Variants in RAPGEF4 observed in about 807,000 individuals in gnomAD.
The protein encoded by RAPGEF4 is RAP guanine-nucleotide-exchange factor (GEF) 4.
A neutral mutation model predicts 147.9 loss-of-function variants in RAPGEF4; 66 were observed. The ratio of observed to expected loss-of-function variants is 0.45; its 90% confidence interval spans 0.37 to 0.55. The LOEUF is 0.55. RAPGEF4 is among the 20% of genes least tolerant of loss of function. The pLI, the probability that RAPGEF4 is intolerant of heterozygous loss-of-function variation, is 0.00. For synonymous variants in RAPGEF4, 419 were observed against 442.7 expected (o/e 0.95, Z 0.67); for missense variants, 1,071 against 1,257.3 (o/e 0.85, Z 2.24).
rs925594464 is a variant in RAPGEF4, at chr2:172,777,358, G to A, written c.66-17667G>A. On this transcript the variant is annotated intron_variant, in intron 1 of 30. Coordinates refer to ENST00000397081, the MANE Select transcript of RAPGEF4 (RefSeq NM_007023.4). ...TGTTCTCGGTACTGGAGATACAATAGTTATTTAAAAAAAAAACCCTGCTTT... is the reference window on the plus strand; with the variant it reads ...TGTTCTCGGTACTGGAGATACAATAATTATTTAAAAAAAAAACCCTGCTTT... Among the ~76,000 whole-genome samples the A allele has an allele frequency of 1.3e-5, 2 of 151,422 alleles. 1 individual carries two copies. Among genetic ancestry groups the A allele is most frequent in the South Asian group, 4.2e-4 (2 of 4,756 alleles).
At chr2:172,817,796 A>G (rs1017433088) in intron 4 of RAPGEF4, among the ~76,000 whole-genome samples, 51 of 151,686 alleles carry the variant, frequency 3.4e-4, no homozygotes, top group Admixed American at 2.9e-3. Context: ...ATGCATGTTT[A>G]TAGCAGCACA....
At position 172,848,915 on chromosome 2, in the gene RAPGEF4, GA is replaced by G. The variant is rs574661072; in HGVS notation, c.444+34498del. Among the ~76,000 whole-genome samples, 6 of 151,248 alleles carry G rather than the reference GA, an allele frequency of 4.0e-5. 1 individual carries two copies. Among genetic ancestry groups the G allele is most frequent in the Non-Finnish European group, 5.9e-5 (4 of 67,764 alleles). On this transcript the variant is annotated intron_variant, in intron 4 of 30. Transcript: ENST00000397081. Reference sequence around the variant, plus strand: ...CAATAAGTTAGAAGGCTCAATTAGTGAAAAAAAAGGTGATGTTGACTAAAGG... The same window carrying G: ...CAATAAGTTAGAAGGCTCAATTAGTGAAAAAAAGGTGATGTTGACTAAAGG...
chr2:172,926,735 C>A (rs1685405721), intron 6 of RAPGEF4, among the ~76,000 whole-genome samples: 2 of 152,042 alleles, frequency 1.3e-5, no homozygotes. Context: ...CCATACCCAG[C>A]TAATTTTTGT....
At chr2:173,022,922 G>T (rs16861185) in intron 23 of RAPGEF4, among the ~76,000 whole-genome samples, 5,929 of 152,242 alleles carry the variant, frequency 0.039, 152 homozygotes, top group South Asian at 0.079. Flanking sequence ...TTCTACTTTT[G>T]TCCATTCACT....
At chr2:172,971,471 T>C (rs1158645198) in intron 10 of RAPGEF4, among the ~76,000 whole-genome samples, 2 of 152,198 alleles carry the variant, frequency 1.3e-5, no homozygotes, top group Non-Finnish European at 2.9e-5. Context: ...TATGTATATA[T>C]AAGAGAATTG....
intron 1 of RAPGEF4, among the ~76,000 whole-genome samples, chr2:172,788,232 T>C (rs1374716015): frequency 6.6e-6 from 1 of 152,192 alleles, no homozygotes; most frequent in Admixed American, 6.5e-5. Flanking sequence ...TTTCGGGGAC[T>C]TAGGACACAA....
chr2:172,843,437 G>C (rs1691837050), intron 4 of RAPGEF4, among the ~76,000 whole-genome samples: 1 of 152,104 alleles, frequency 6.6e-6, no homozygotes, highest in Admixed American at 6.5e-5. Flanking sequence ...AACAGATAAA[G>C]GACATAATTG....
chr2:172,750,122 T>C (rs1039951062), intron 1 of RAPGEF4, among the ~76,000 whole-genome samples: 2 of 152,088 alleles, frequency 1.3e-5, no homozygotes, highest in African/African-American at 2.4e-5. Context: ...TTCTGAGCCC[T>C]CCAAACTATT....
At chr2:172,922,045 C>T (rs574446053) in intron 5 of RAPGEF4, among the ~76,000 whole-genome samples, 15 of 152,302 alleles carry the variant, frequency 9.8e-5, no homozygotes, top group African/African-American at 3.1e-4. Flanking sequence ...ATGGTAGACG[C>T]AAAATAAGCC....
intron 6 of RAPGEF4, among the ~76,000 whole-genome samples, chr2:172,934,095 G>A (rs1686267175): frequency 6.6e-6 from 1 of 151,214 alleles, no homozygotes; most frequent in Non-Finnish European, 1.5e-5. Flanking sequence ...AAAGTTTGAA[G>A]GAGTGAGGTA....
chr2:172,965,975 T>C (rs1330263613), intron 9 of RAPGEF4, among the ~76,000 whole-genome samples: 2 of 152,254 alleles, frequency 1.3e-5, no homozygotes, highest in East Asian at 1.9e-4. Flanking sequence ...GGTTCATTGA[T>C]AGCGTGATTA....
intron 10 of RAPGEF4, among the ~76,000 whole-genome samples, chr2:172,976,348 G>T (rs1370354481): frequency 6.6e-6 from 1 of 152,132 alleles, no homozygotes; most frequent in Non-Finnish European, 1.5e-5. Context: ...AACATGCTTT[G>T]CTGGTTTTGC....
intron 3 of RAPGEF4, among the ~76,000 whole-genome samples, chr2:172,814,048 T>A (rs986685026): frequency 6.6e-6 from 1 of 152,170 alleles, no homozygotes; most frequent in Non-Finnish European, 1.5e-5. Context: ...GAACAAGTTA[T>A]CTGAGTGTCT....
chr2:172,956,379 A>G (rs1688731036), intron 6 of RAPGEF4, among the ~76,000 whole-genome samples: 1 of 152,122 alleles, frequency 6.6e-6, no homozygotes, highest in African/African-American at 2.4e-5. Flanking sequence ...GCTGCACTGG[A>G]CTGCTACTCC....
chr2:172,858,473 G>A (rs1234986707), intron 4 of RAPGEF4, among the ~76,000 whole-genome samples: 1 of 152,126 alleles, frequency 6.6e-6, no homozygotes, highest in Non-Finnish European at 1.5e-5. Context: ...CCAGTGACCG[G>A]CCCATAAAGA....
chr2:173,011,091 C>T (rs1045024156), intron 17 of RAPGEF4, among the ~76,000 whole-genome samples: 2 of 151,758 alleles, frequency 1.3e-5, no homozygotes, highest in Non-Finnish European at 2.9e-5. Flanking sequence ...GGTTCTTCAT[C>T]AAAGACAAGG....
chr2:172,749,595 A>G (rs1456070763), intron 1 of RAPGEF4, among the ~76,000 whole-genome samples: 2 of 152,186 alleles, frequency 1.3e-5, no homozygotes, highest in Non-Finnish European at 2.9e-5. Context: ...CAGGCCATTG[A>G]TGGGAAGGGC....
chr2:172,860,600 G>GCAAAAACA, intron 4 of RAPGEF4, among the ~76,000 whole-genome samples: 1 of 149,994 alleles, frequency 6.7e-6, no homozygotes, highest in Non-Finnish European at 1.5e-5. Context: ...GTTTTACGGG[G>GCAAAAACA]AAGTGAAGGG....
chr2:172,955,550 G>A (rs369899799), intron 6 of RAPGEF4, among the ~76,000 whole-genome samples: 3 of 152,142 alleles, frequency 2.0e-5, no homozygotes, highest in African/African-American at 7.2e-5. Context: ...GCCCCATTTG[G>A]ATTCTTTCAT....
Sources: allele counts gnomAD v4.1 joint callset (sites outside exome capture counted in the v4.1 genomes callset), GRCh38; gene constraint gnomAD v4.1.1; transcripts MANE v1.5; gene names NCBI Gene and HGNC (gene_info 2026-07-23, HGNC 2026-07-21).